SFXN3: variants seen among roughly 807,000 people sequenced by gnomAD.
SFXN3 encodes sideroflexin 3.
In SFXN3, 31 loss-of-function variants were observed where a neutral mutation model predicts 40.4. The ratio of observed to expected loss-of-function variants is 0.77; its 90% CI spans 0.58 to 1.04. The LOEUF is 1.04. SFXN3 is among the 50% of genes least tolerant of loss of function. The probability of loss-of-function intolerance (pLI) is 0.00; values close to 1 mark genes in which losing one functional copy is unlikely to be tolerated. For synonymous variants in SFXN3, 157 were observed against 160.0 expected, an observed-to-expected ratio of 0.98 and a Z score of 0.14; for missense variants, 366 against 408.2, an observed-to-expected ratio of 0.90 and a Z score of 0.89.
In SFXN3 at chr10:101,037,434, A is replaced by G; in HGVS notation, c.771+3A>G. The G allele has an allele frequency of 6.2e-7, 1 of 1,614,230 alleles. No homozygotes were observed. The highest frequency in any genetic ancestry group is 8.5e-7 in the Non-Finnish European group (1 of 1,180,042). The stretch of plus-strand genomic sequence containing the variant: ...TGGAGAAGAAAGACTTCCTGAAGGT[A>G]GGCGACTGTACCTCTCTTGTCCTGG... On this transcript the variant is annotated splice_donor_region_variant and intron_variant, in intron 9 of 11. Transcript: ENST00000393459.
chr10:101,034,958 C>G, intron 3 of SFXN3, 103 bp downstream of exon 3: 2 of 1,384,142 alleles, frequency 1.4e-6, no homozygotes, highest in Non-Finnish European at 2.0e-6. Flanking sequence ...TGACCCTGTC[C>G]CTCAATCCCC....
intron 9 of SFXN3, chr10:101,037,754 T>G (rs1938692362): frequency 3.1e-6 from 4 of 1,290,448 alleles, no homozygotes; most frequent in Non-Finnish European, 4.0e-6. Flanking sequence ...GCCTCCATAC[T>G]GAGAGGTACA....
Position 101,039,676 on chromosome 10 carries a change from A to G in SFXN3, c.*91A>G. The G allele has an allele frequency of 7.7e-7, 1 of 1,291,480 alleles. No homozygotes were observed. The highest frequency in any genetic ancestry group is 1.1e-6 in the Non-Finnish European group (1 of 890,584). The allele number at this position is 1,291,480 out of a possible 1,614,324, so 80.0% of individuals were successfully genotyped here. A position where few individuals can be genotyped will look rare whatever the true frequency, so the allele number is the denominator to read the frequency against. On this transcript the variant is annotated 3_prime_UTR_variant, in exon 12 of 12. Transcript: ENST00000393459. This position sits in a 1 kb window ranked among gnomAD's most constrained non-coding sequence, Gnocchi z 4.6. ...CCTACCACTTGGCTATCTGCCTAGC[A>G]CTGGGCAGGGGCCTTGGTGGGCAGA...
chr10:101,035,828 G>C (rs941059872), intron 4 of SFXN3, 161 bp downstream of exon 4: 38 of 1,156,574 alleles, frequency 3.3e-5, no homozygotes, highest in Admixed American at 1.9e-4. Flanking sequence ...CCCAGAGACA[G>C]TAGGTGTGTT....
exon 12 of SFXN3, chr10:101,040,576 G>C (rs2134219931): frequency 6.8e-6 from 1 of 146,534 alleles, no homozygotes; most frequent in Non-Finnish European, 1.5e-5. Flanking sequence ...GGAATTTTGT[G>C]TTCCATTGAC....
At position 101,039,319 on chromosome 10, in the gene SFXN3, C is replaced by T. The variant is rs1040079332; in HGVS notation, c.869+97C>T. ...GTCTTCCAGGGTGTTCAGGAGGAGGCCTGGCAGGCACTCCACTGATTCTGG... is the reference window on the plus strand; with the variant it reads ...GTCTTCCAGGGTGTTCAGGAGGAGGTCTGGCAGGCACTCCACTGATTCTGG... On this transcript the variant is annotated intron_variant, in intron 11 of 11. Transcript: ENST00000393459. This position sits in a 1 kb window ranked among gnomAD's most constrained non-coding sequence, Gnocchi z 4.6. 1.6e-6 allele frequency: 2 copies of T among 1,268,954 alleles called. No homozygotes were observed. Among genetic ancestry groups the T allele is most frequent in the Admixed American group, 1.8e-5 (1 of 55,096 alleles). The allele number at this position is 1,268,954 out of a possible 1,614,324, so 78.6% of individuals were successfully genotyped here.
At chr10:101,032,425 G>A (rs1938305236) in exon 2 of SFXN3, 8 of 1,512,280 alleles carry the variant, frequency 5.3e-6, no homozygotes, top group South Asian at 3.8e-5. Flanking sequence ...GGGCCCGGCG[G>A]CGACAGCGGA....
At chr10:101,034,926 C>A in intron 3 of SFXN3, 71 bp downstream of exon 3, 1 of 1,544,440 alleles carries the variant, frequency 6.5e-7, no homozygotes, top group East Asian at 2.3e-5. Flanking sequence ...ATGTTTTGTA[C>A]CTGCCTCCTC....
At position 101,039,507 on chromosome 10, in the gene SFXN3, C is replaced by G. The variant is rs57571683; in HGVS notation, c.888C>G (p.Asn296Lys). ...ATTGCAGCTCCATACACATAAGCAA[C>G]CTGGAACCAGAGCTGAGAGCTCAGA... is the stretch of plus-strand genomic sequence containing the variant. The change falls in exon 12 of 12, where the codon AAC becomes AAG. Residue 296 changes from asparagine (N) to lysine (K), a missense_variant. By Grantham distance (94) the Asn-to-Lys change is moderately conservative. Transcript: ENST00000393459. This position sits in a 1 kb window ranked among gnomAD's most constrained non-coding sequence, Gnocchi z 4.6. The G allele has an allele frequency of 2.2e-3, 3,629 of 1,614,086 alleles. 75 individuals carry two copies. In the African/African-American group the frequency reaches 0.042, roughly 19 times the overall value.
Position 101,036,541 on chromosome 10 carries a change from G to T in SFXN3, c.487G>T (p.Gly163Ter). The change falls in exon 6 of 12, where the codon GGA becomes TGA. Residue 163 changes from glycine to a stop codon, truncating the protein, a stop_gained. Transcript: ENST00000393459. LOFTEE classifies it high-confidence loss of function. This position sits in a 1 kb window ranked among gnomAD's most constrained non-coding sequence, Gnocchi z 4.2. ...CACTGGAGCTGTGGCCACGGCCCTGGGACTCAAATCCCTCACCAAGGTAAA... is the reference window on the plus strand; with the variant it reads ...CACTGGAGCTGTGGCCACGGCCCTGTGACTCAAATCCCTCACCAAGGTAAA... 1.2e-6 allele frequency: 2 copies of T among 1,614,046 alleles called. No individual in the cohort carries two copies. Among genetic ancestry groups the T allele is most frequent in the African/African-American group, 1.3e-5 (1 of 74,996 alleles).
chr10:101,036,624 C>T lies in SFXN3; in HGVS notation c.507+63C>T, dbSNP rs1938618181. 6.2e-7 allele frequency: 1 copy of T among 1,612,812 alleles called. No individual in the cohort carries two copies. ...CTCTATCTGCCTCCTTCTTCCTCAT[C>T]ACACCTCCAGTTCTGACCTATATGC... On this transcript the variant is annotated intron_variant, in intron 6 of 11. Coordinates refer to ENST00000393459, the Ensembl canonical transcript of SFXN3. The surrounding 1 kb of genome is among the most constrained non-coding windows in gnomAD (Gnocchi z 4.2).
intron 2 of SFXN3, among the ~76,000 whole-genome samples, chr10:101,034,127 G>A (rs1465781440): frequency 6.6e-6 from 1 of 152,020 alleles, no homozygotes; most frequent in Non-Finnish European, 1.5e-5. Flanking sequence ...GTGTCAAGCT[G>A]GGGGACGGTC....
rs928610918 is a variant in SFXN3 at position 101,039,151 on chromosome 10, C to T, written c.822-24C>T. On this transcript the variant is annotated intron_variant, in intron 10 of 11. Transcript: ENST00000393459. The surrounding 1 kb of genome is among the most constrained non-coding windows in gnomAD (Gnocchi z 4.6). Reference sequence around the variant, plus strand: ...ACCCTAAGGCCAAAGCTTTACAAACCTTTCCAACACTTGTCTCCCCCAGCC... The same window carrying T: ...ACCCTAAGGCCAAAGCTTTACAAACTTTTCCAACACTTGTCTCCCCCAGCC... The T allele has an allele frequency of 3.7e-6, 6 of 1,605,830 alleles. No individual in the cohort carries two copies. Among genetic ancestry groups the T allele is most frequent in the Non-Finnish European group, 5.1e-6 (6 of 1,172,800 alleles).
chr10:101,032,096 C>T (rs1938258777), intron 1 of SFXN3: 1 of 237,252 alleles, frequency 4.2e-6, no homozygotes, highest in East Asian at 8.0e-5. Context: ...TCTCTGGGCA[C>T]CTAGACCGCT....
chr10:101,036,604 T>TCTGC lies in SFXN3; in HGVS notation c.507+46_507+49dup. The TCTGC allele has an allele frequency of 6.2e-7, 1 of 1,613,316 alleles. No individual in the cohort carries two copies. The highest frequency in any genetic ancestry group is 8.5e-7 in the Non-Finnish European group (1 of 1,179,604). On this transcript the variant is annotated intron_variant, in intron 6 of 11. Coordinates refer to ENST00000393459, the Ensembl canonical transcript of SFXN3. This position sits in a 1 kb window ranked among gnomAD's most constrained non-coding sequence, Gnocchi z 4.2. ...CCCTGACCACCCCATTCATCCTCTA[T>TCTGC]CTGCCTCCTTCTTCCTCATCACACC...
At position 101,039,521 on chromosome 10, in the gene SFXN3, TGAGAGCTCAGA is replaced by T. The variant is rs758830822; in HGVS notation, c.903_913del (p.Arg302ProfsTer2). 2 of 1,614,072 alleles carry T rather than the reference TGAGAGCTCAGA, an allele frequency of 1.2e-6. No individual in the cohort carries two copies. Among genetic ancestry groups the T allele is most frequent in the Admixed American group, 3.3e-5 (2 of 60,018 alleles). On this transcript the variant is annotated frameshift_variant, in exon 12 of 12. Transcript: ENST00000393459. LOFTEE classifies it high-confidence loss of function. The surrounding 1 kb of genome is among the most constrained non-coding windows in gnomAD (Gnocchi z 4.6). Reference sequence around the variant, plus strand: ...CACATAAGCAACCTGGAACCAGAGCTGAGAGCTCAGATCCATGAGCAAAACCCCAGCGTTGA... The same window carrying T: ...CACATAAGCAACCTGGAACCAGAGCTTCCATGAGCAAAACCCCAGCGTTGA...
intron 2 of SFXN3, 86 bp from the exon 3 acceptor site, chr10:101,034,606 G>A (rs1211284387): frequency 2.8e-6 from 4 of 1,453,396 alleles, no homozygotes; most frequent in Non-Finnish European, 3.8e-6. Flanking sequence ...AAGCTCAGGG[G>A]CCAGGGCAGG....
chr10:101,032,316 T>C (rs576666988), exon 2 of SFXN3: 2 of 792,078 alleles, frequency 2.5e-6, no homozygotes, highest in South Asian at 4.1e-5. Context: ...GCCCTCAGGT[T>C]CTGCCAATCC....
Position 101,035,558 on chromosome 10 carries a change from G to A in SFXN3, c.223G>A (p.Asp75Asn), listed in dbSNP as rs142030036. The A allele has an allele frequency of 9.3e-6, 15 of 1,613,914 alleles. No homozygotes were observed. The Admixed American group carries it at 1.5e-4, about 16-fold the overall frequency. ...GCTGTGGAGGGCCAAGTATGTGTAT[G>A]ACTCCGCCTTCCATCCGGACACAGG... The change falls in exon 4 of 12, where the codon GAC becomes AAC. Residue 75 changes from aspartate (D) to asparagine (N), a missense_variant. Asp to Asn is a conservative substitution (Grantham distance 23). Coordinates refer to ENST00000393459, the Ensembl canonical transcript of SFXN3.
Sources: gnomAD v4.1 joint callset for allele counts (sites outside exome capture counted in the v4.1 genomes callset) on GRCh38, gnomAD v4.1.1 for gene constraint, Gnocchi (gnomAD v3.1) non-coding constraint, MANE v1.5 for transcripts, NCBI Gene and HGNC (gene_info 2026-07-23, HGNC 2026-07-21) for gene names.